The following BCL2 variants were observed in gnomAD, a reference collection of about 807,000 sequenced individuals.
The protein encoded by BCL2 is BCL2 apoptosis regulator, also known as apoptosis regulator Bcl-2.
Under a neutral mutation model 14.2 loss-of-function variants are expected in BCL2, and 1 was observed. The observed-to-expected ratio is 0.07, with a 90% CI of 0.02 to 0.33. BCL2 has a LOEUF of 0.33. Ranked by LOEUF, BCL2 falls within the 10% of genes least tolerant of loss-of-function variation. The pLI is 0.99. For synonymous variants in BCL2, 151 were observed against 137.2 expected (o/e 1.10, Z -0.70); for missense variants, 247 against 305.9 (o/e 0.81, Z 1.44).
At chr18:63,147,766 A>G (rs1914548475) in intron 2 of BCL2, among the ~76,000 whole-genome samples, 1 of 152,198 alleles carries the variant, frequency 6.6e-6, no homozygotes, top group African/African-American at 2.4e-5. Flanking sequence ...GCCATAAACA[A>G]TATCCATTAT....
intron 2 of BCL2, among the ~76,000 whole-genome samples, chr18:63,262,332 G>T (rs1911685286): frequency 6.6e-6 from 1 of 152,230 alleles, no homozygotes; most frequent in Non-Finnish European, 1.5e-5. Context: ...CCCATCAGTA[G>T]TTGGTAGTGT....
At chr18:63,269,181 T>C (rs1048449057) in intron 2 of BCL2, among the ~76,000 whole-genome samples, 9 of 152,118 alleles carry the variant, frequency 5.9e-5, no homozygotes, top group Non-Finnish European at 4.4e-5. Flanking sequence ...CTCAAACTCC[T>C]GGGCTCAATT....
At chr18:63,174,818 C>T (rs1915314223) in intron 2 of BCL2, among the ~76,000 whole-genome samples, 3 of 99,422 alleles carry the variant, frequency 3.0e-5, no homozygotes, top group African/African-American at 1.0e-4. Context: ...GAGACTTTGT[C>T]TCAAAAAAAA....
At chr18:63,270,434 T>C (rs1017169370) in intron 2 of BCL2, among the ~76,000 whole-genome samples, 24 of 152,264 alleles carry the variant, frequency 1.6e-4, no homozygotes, top group African/African-American at 5.5e-4. Context: ...AGGCAGTACA[T>C]TCCAAAATGC....
At chr18:63,152,514 A>G (rs758897615) in intron 2 of BCL2, among the ~76,000 whole-genome samples, 4 of 152,240 alleles carry the variant, frequency 2.6e-5, no homozygotes, top group Admixed American at 2.0e-4. Context: ...ACCATATCTA[A>G]GTCAAGTCTG....
At chr18:63,294,749 A>G (rs969423988) in intron 2 of BCL2, among the ~76,000 whole-genome samples, 1 of 152,218 alleles carries the variant, frequency 6.6e-6, no homozygotes, top group African/African-American at 2.4e-5. Context: ...CATAGAAGGT[A>G]TAAGACAGGG....
intron 2 of BCL2, among the ~76,000 whole-genome samples, chr18:63,291,142 T>TA (rs1236840864): frequency 2.0e-5 from 3 of 152,234 alleles, no homozygotes; most frequent in African/African-American, 7.2e-5. Context: ...TCCTGTGGCC[T>TA]AATTTATGCT....
At chr18:63,230,189 T>TA (rs932980968) in intron 2 of BCL2, among the ~76,000 whole-genome samples, 6 of 151,858 alleles carry the variant, frequency 4.0e-5, no homozygotes, top group African/African-American at 7.3e-5. Context: ...CAAAATACAA[T>TA]AAAAAAATTG....
chr18:63,262,799 G>A (rs930237226), intron 2 of BCL2, among the ~76,000 whole-genome samples: 17 of 152,224 alleles, frequency 1.1e-4, no homozygotes, highest in African/African-American at 4.1e-4. Flanking sequence ...TTTGACAGAG[G>A]AACAAGTACC....
At chr18:63,152,494 A>G (rs762902807) in intron 2 of BCL2, among the ~76,000 whole-genome samples, 3 of 152,238 alleles carry the variant, frequency 2.0e-5, no homozygotes, top group Non-Finnish European at 4.4e-5. Context: ...AATGCCTGAG[A>G]CTTTAAAGAA....
intron 2 of BCL2, among the ~76,000 whole-genome samples, chr18:63,295,852 C>G (rs1334267511): frequency 1.3e-5 from 2 of 152,184 alleles, no homozygotes; most frequent in Non-Finnish European, 2.9e-5. Context: ...AAGGACTAAA[C>G]CCAGTCTCAG....
intron 2 of BCL2, among the ~76,000 whole-genome samples, chr18:63,213,456 G>GA (rs1411194765): frequency 1.3e-5 from 2 of 150,316 alleles, no homozygotes; most frequent in East Asian, 3.9e-4. Flanking sequence ...AGAAAAGGAA[G>GA]AAAAAAAGCA....
chr18:63,212,316 A>G (rs973221970), intron 2 of BCL2, among the ~76,000 whole-genome samples: 15 of 151,672 alleles, frequency 9.9e-5, no homozygotes, highest in Non-Finnish European at 1.6e-4. Context: ...CGACAGAGCG[A>G]GACTCTGTCT....
intron 2 of BCL2, among the ~76,000 whole-genome samples, chr18:63,132,425 A>G (rs1028906672): frequency 1.3e-5 from 2 of 152,204 alleles, no homozygotes; most frequent in African/African-American, 2.4e-5. Context: ...TTGCAGAAGC[A>G]ATTTCCTCTC....
In BCL2 at chr18:63,146,053, T is replaced by C. The variant is rs933164146; in HGVS notation, c.586-17294A>G. On this transcript the variant is annotated intron_variant, in intron 2 of 2. Transcript: ENST00000333681. ...CTTTTCCCTGCCAAAATTCCCTTTATTTTTTTCTCCTTCACTTTGTCCTTT... is the reference window on the plus strand; with the variant it reads ...CTTTTCCCTGCCAAAATTCCCTTTACTTTTTTCTCCTTCACTTTGTCCTTT... Among the ~76,000 whole-genome samples the C allele has an allele frequency of 5.9e-5, 9 of 152,158 alleles. No homozygotes were observed. In the South Asian group the frequency reaches 1.0e-3, roughly 18 times the overall value.
At chr18:63,302,354 T>C in intron 2 of BCL2, 1 of 983,896 alleles carries the variant, frequency 1.0e-6, no homozygotes, top group South Asian at 4.7e-5. Flanking sequence ...AAATAGTTGG[T>C]GGCTTGTTCA....
intron 2 of BCL2, among the ~76,000 whole-genome samples, chr18:63,258,890 G>A (rs1911566952): frequency 6.6e-6 from 1 of 152,236 alleles, no homozygotes; most frequent in African/African-American, 2.4e-5. Context: ...AGGGAAAACA[G>A]AGAACAGTGG....
At chr18:63,207,099 GT>G (rs1001431954) in intron 2 of BCL2, among the ~76,000 whole-genome samples, 1 of 152,210 alleles carries the variant, frequency 6.6e-6, no homozygotes, top group African/African-American at 2.4e-5. Context: ...TAGGAATACA[GT>G]TTTATGATTG....
At chr18:63,241,888 T>C (rs1911013234) in intron 2 of BCL2, among the ~76,000 whole-genome samples, 1 of 152,220 alleles carries the variant, frequency 6.6e-6, no homozygotes, top group African/African-American at 2.4e-5. Context: ...AGGAGTTGGA[T>C]TTGAATTGTG....
Sources: allele counts gnomAD v4.1 joint callset (sites outside exome capture counted in the v4.1 genomes callset), GRCh38; gene constraint gnomAD v4.1.1; transcripts MANE v1.5; gene names NCBI Gene and HGNC (gene_info 2026-07-23, HGNC 2026-07-21).